EPHB1: variants seen among roughly 807,000 people sequenced by gnomAD.
EPHB1 encodes ephrin type-B receptor 1.
A neutral mutation model predicts 94.4 loss-of-function variants in EPHB1; 30 were observed. The observed-to-expected ratio is 0.32, with a 90% CI of 0.24 to 0.43. The LOEUF (loss-of-function observed/expected upper bound fraction) is 0.43, where lower values mean the gene tolerates loss of function less well. EPHB1 is among the 20% of genes least tolerant of loss of function. The pLI, the probability that EPHB1 is intolerant of heterozygous loss-of-function variation, is 1.00. For synonymous variants in EPHB1, 522 were observed against 489.1 expected, an observed-to-expected ratio of 1.07 and a Z score of -0.89; for missense variants, 1,055 against 1,308.3, an observed-to-expected ratio of 0.81 and a Z score of 2.99.
chr3:135,105,515 A>G (rs1205928946), intron 3 of EPHB1, among the ~76,000 whole-genome samples: 1 of 152,208 alleles, frequency 6.6e-6, no homozygotes, highest in Admixed American at 6.5e-5. Flanking sequence ...TGAGGGATCA[A>G]CAAGGAAGAG....
At chr3:135,032,247 T>A (rs951646932) in intron 3 of EPHB1, among the ~76,000 whole-genome samples, 1 of 151,318 alleles carries the variant, frequency 6.6e-6, no homozygotes, top group Non-Finnish European at 1.5e-5. Flanking sequence ...TTCTTTTATT[T>A]TTTTTTTTAA....
intron 3 of EPHB1, among the ~76,000 whole-genome samples, chr3:135,084,722 A>G (rs1938286938): frequency 6.6e-6 from 1 of 152,192 alleles, no homozygotes; most frequent in South Asian, 2.1e-4. Context: ...CGGTCCTTCT[A>G]TTGTGAGATA....
chr3:135,155,807 A>G (rs1390003413), intron 6 of EPHB1, among the ~76,000 whole-genome samples: 2 of 151,408 alleles, frequency 1.3e-5, no homozygotes, highest in Non-Finnish European at 2.9e-5. Flanking sequence ...AAAAAAAAAA[A>G]AAAGACTGGA....
Position 135,132,976 on chromosome 3 carries a change from C to T in EPHB1, c.1224C>T (p.Ala408=), listed in dbSNP as rs2107687525. The stretch of plus-strand genomic sequence containing the variant: ...CCCCCTACACCTTTGACATCCAGGC[C>T]ATCAATGGAGTCTCCAGCAAGAGTC... ...AHTPYTFDIQ[A]INGVSSKSPF... is the part of the protein sequence containing the mutation. Residue 408 remains alanine, a synonymous_variant, in exon 5 of 16, where the codon GCC becomes GCT. Coordinates refer to ENST00000398015, the MANE Select transcript of EPHB1 (RefSeq NM_004441.5). 2 of 1,613,752 alleles carry T rather than the reference C, an allele frequency of 1.2e-6. No homozygotes were observed. Among genetic ancestry groups the T allele is most frequent in the South Asian group, 1.1e-5 (1 of 91,070 alleles).
At position 135,006,319 on chromosome 3, in the gene EPHB1, C is replaced by T. The variant is rs116859527; in HGVS notation, c.805+54267C>T. Among the ~76,000 whole-genome samples the T allele has an allele frequency of 5.5e-4, 84 of 152,074 alleles. No homozygotes were observed. In the East Asian group the frequency reaches 0.014, roughly 25 times the overall value. On this transcript the variant is annotated intron_variant, in intron 3 of 15. Coordinates refer to ENST00000398015, the MANE Select transcript of EPHB1 (RefSeq NM_004441.5). ...ACAGAAAGTAGAACAGAGGTTACTA[C>T]GGGCAGATGGGGAGTTATTGTTTAA...
At chr3:135,040,798 A>G (rs960882061) in intron 3 of EPHB1, among the ~76,000 whole-genome samples, 3 of 152,218 alleles carry the variant, frequency 2.0e-5, no homozygotes, top group African/African-American at 4.8e-5. Flanking sequence ...AAAGCATTCT[A>G]TGTGTGCAAG....
Position 134,951,806 on chromosome 3 carries a change from C to G in EPHB1, c.559C>G (p.Leu187Val). The G allele has an allele frequency of 6.2e-7, 1 of 1,614,016 alleles. No homozygotes were observed. The highest frequency in any genetic ancestry group is 1.1e-5 in the South Asian group (1 of 91,084). The change falls in exon 3 of 16, where the codon CTT becomes GTT. Residue 187 changes from leucine to valine, a missense_variant. Physicochemically the swap from Leu to Val is conservative, Grantham distance 32. Transcript: ENST00000398015. The surrounding 1 kb of genome is among the most constrained non-coding windows in gnomAD (Gnocchi z 4.5). ...GGATTATGGAGCCTGTATGTCTCTT[C>G]TTTCTGTCCGTGTCTTCTTCAAAAA... is the stretch of plus-strand genomic sequence containing the variant. ...FQDYGACMSL[L>V]SVRVFFKKCP...
intron 3 of EPHB1, among the ~76,000 whole-genome samples, chr3:135,086,321 A>G (rs542874976): frequency 1.3e-5 from 2 of 151,420 alleles, no homozygotes; most frequent in Non-Finnish European, 2.9e-5. Context: ...ACCTCAAGAG[A>G]AACTCAGAAG....
rs2107687267 is a variant in EPHB1, at chr3:135,132,814, G to A, written c.1062G>A (p.Val354=). The change falls in exon 5 of 16, where the codon GTG becomes GTA. Residue 354 remains valine (V), a synonymous_variant. Coordinates refer to ENST00000398015, the MANE Select transcript of EPHB1 (RefSeq NM_004441.5). ...GGGAGACAGGTGGGCGGGATGATGT[G>A]ACCTACAACATCATCTGCAAAAAGT... is the stretch of plus-strand genomic sequence containing the variant. ...PPRETGGRDD[V]TYNIICKKCR... The A allele has an allele frequency of 6.2e-7, 1 of 1,614,000 alleles. No homozygotes were observed. Among genetic ancestry groups the A allele is most frequent in the Non-Finnish European group, 8.5e-7 (1 of 1,179,882 alleles).
intron 3 of EPHB1, among the ~76,000 whole-genome samples, chr3:135,062,154 A>G (rs1237145527): frequency 1.3e-5 from 2 of 152,186 alleles, no homozygotes; most frequent in Non-Finnish European, 2.9e-5. Flanking sequence ...TTAAACATGC[A>G]TGTGTGAGAA....
intron 13 of EPHB1, among the ~76,000 whole-genome samples, chr3:135,247,450 A>C (rs921178706): frequency 1.3e-5 from 2 of 152,218 alleles, no homozygotes; most frequent in Non-Finnish European, 2.9e-5. Context: ...TAATAAATTC[A>C]TATGTTTAGC....
chr3:135,191,152 G>A (rs1942446517), intron 10 of EPHB1, among the ~76,000 whole-genome samples: 1 of 152,022 alleles, frequency 6.6e-6, no homozygotes, highest in South Asian at 2.1e-4. Flanking sequence ...AAAAAGGGAG[G>A]AAGGATGGAA....
intron 12 of EPHB1, among the ~76,000 whole-genome samples, chr3:135,223,351 T>C (rs938921359): frequency 6.6e-6 from 1 of 152,202 alleles, no homozygotes; most frequent in Non-Finnish European, 1.5e-5. Context: ...GCTCCTCTCT[T>C]ACCTATTTTA....
intron 1 of EPHB1, among the ~76,000 whole-genome samples, chr3:134,923,369 TC>T: frequency 6.6e-6 from 1 of 152,286 alleles, no homozygotes; most frequent in African/African-American, 2.4e-5. Flanking sequence ...CTCTGTTGGC[TC>T]CTGTCCACAC....
chr3:135,045,957 C>T (rs1477739269), intron 3 of EPHB1, among the ~76,000 whole-genome samples: 1 of 152,048 alleles, frequency 6.6e-6, no homozygotes, highest in Non-Finnish European at 1.5e-5. Context: ...AGTTTGTTTC[C>T]GTTTTTCAAC....
At chr3:135,104,254 T>C (rs1234616578) in intron 3 of EPHB1, among the ~76,000 whole-genome samples, 1 of 151,784 alleles carries the variant, frequency 6.6e-6, no homozygotes, top group Admixed American at 6.6e-5. Context: ...TCACAGGAGA[T>C]GAGGAGAGAT....
rs546478069 is a variant in EPHB1 at position 134,795,623 on chromosome 3, C to A, written c.-9C>A. 4 of 1,603,124 alleles carry A rather than the reference C, an allele frequency of 2.5e-6. No individual in the cohort carries two copies. Among genetic ancestry groups the A allele is most frequent in the Non-Finnish European group, 3.4e-6 (4 of 1,176,024 alleles). ...GGCTTGGTCTCGGCCTGCGGGCCGT[C>A]GGCCGGCGATGGCCCTGGATTATCT... On this transcript the variant is annotated 5_prime_UTR_variant, in exon 1 of 16. It introduces an in-frame stop codon into an upstream open reading frame of the 5' UTR. Coordinates refer to ENST00000398015, the MANE Select transcript of EPHB1 (RefSeq NM_004441.5).
At chr3:135,115,105 C>T (rs72977561) in intron 4 of EPHB1, among the ~76,000 whole-genome samples, 2,188 of 152,282 alleles carry the variant, frequency 0.014, 45 homozygotes, top group African/African-American at 0.043. Flanking sequence ...GCTCACAAAG[C>T]ACTGATTTAC....
chr3:134,882,681 TTTCC>T (rs2037758359), intron 1 of EPHB1, among the ~76,000 whole-genome samples: 1 of 150,070 alleles, frequency 6.7e-6, no homozygotes, highest in Non-Finnish European at 1.5e-5. Context: ...TCCTTCCTTC[TTTCC>T]TTCTTCTTTC....
Sources: allele counts gnomAD v4.1 joint callset (sites outside exome capture counted in the v4.1 genomes callset), GRCh38; gene constraint gnomAD v4.1.1; non-coding constraint Gnocchi (gnomAD v3.1); transcripts MANE v1.5; gene names NCBI Gene and HGNC (gene_info 2026-07-23, HGNC 2026-07-21).